The following MARCHF1 variants were observed in gnomAD, a reference collection of about 807,000 sequenced individuals.
MARCHF1 encodes the protein E3 ubiquitin-protein ligase MARCHF1.
In MARCHF1, 40 loss-of-function variants were observed where a neutral mutation model predicts 54.2. That is an observed-to-expected ratio of 0.74 (90% CI 0.57 to 0.96). The LOEUF is 0.96. Ranked by LOEUF, MARCHF1 falls within the 40% of genes least tolerant of loss-of-function variation. MARCHF1 has a pLI of 0.00. For synonymous variants in MARCHF1, 236 were observed against 236.3 expected (o/e 1.00, Z 0.01); for missense variants, 586 against 656.5 (o/e 0.89, Z 1.17).
intron 4 of MARCHF1, among the ~76,000 whole-genome samples, chr4:163,832,036 G>C (rs563747305): frequency 6.6e-6 from 1 of 152,172 alleles, no homozygotes; most frequent in Non-Finnish European, 1.5e-5. Flanking sequence ...ATTAGAACTA[G>C]TAAGACTTCA....
chr4:164,302,492 A>G (rs989140156), intron 1 of MARCHF1, among the ~76,000 whole-genome samples: 3 of 152,156 alleles, frequency 2.0e-5, no homozygotes, highest in Non-Finnish European at 4.4e-5. Context: ...CATGACTAAA[A>G]GGTTGAGAAA....
chr4:163,914,296 C>A (rs538025138), intron 3 of MARCHF1, among the ~76,000 whole-genome samples: 1 of 152,008 alleles, frequency 6.6e-6, no homozygotes, highest in African/African-American at 2.4e-5. Context: ...AAAGAGAATG[C>A]AAAAATTATT....
chr4:163,637,196 C>T (rs1247020867), intron 5 of MARCHF1, among the ~76,000 whole-genome samples: 2 of 152,236 alleles, frequency 1.3e-5, no homozygotes, highest in South Asian at 2.1e-4. Context: ...GCAAGGACTT[C>T]TTGTCTAAAA....
chr4:164,142,765 C>A (rs1476073316), intron 1 of MARCHF1, among the ~76,000 whole-genome samples: 1 of 152,198 alleles, frequency 6.6e-6, no homozygotes, highest in African/African-American at 2.4e-5. Context: ...AGGAGAGCAA[C>A]TCTCCTCCTC....
intron 1 of MARCHF1, 104 bp from the exon 2 acceptor site, chr4:164,111,766 G>C (rs746114651): frequency 6.6e-5 from 10 of 151,568 alleles, no homozygotes; most frequent in South Asian, 2.1e-4. Flanking sequence ...TAGAAATTTT[G>C]GGCCTATGTA....
chr4:164,369,676 T>C (rs946203144), intron 1 of MARCHF1, among the ~76,000 whole-genome samples: 2 of 152,178 alleles, frequency 1.3e-5, no homozygotes, highest in African/African-American at 2.4e-5. Flanking sequence ...TATAATGTAC[T>C]AACGTTCTAT....
intron 3 of MARCHF1, among the ~76,000 whole-genome samples, chr4:163,859,110 C>T (rs574073908): frequency 1.2e-4 from 18 of 152,236 alleles, no homozygotes; most frequent in African/African-American, 4.3e-4. Flanking sequence ...TCTGAATAAT[C>T]ATGACTTGTA....
intron 7 of MARCHF1, among the ~76,000 whole-genome samples, chr4:163,588,177 C>G (rs892058412): frequency 6.6e-6 from 1 of 152,152 alleles, no homozygotes; most frequent in Non-Finnish European, 1.5e-5. Context: ...ATTAATGTCC[C>G]CTTCCCCCTG....
At chr4:164,293,196 A>G (rs1282048092) in intron 1 of MARCHF1, among the ~76,000 whole-genome samples, 2 of 152,302 alleles carry the variant, frequency 1.3e-5, no homozygotes, top group Middle Eastern at 3.4e-3. Context: ...ATTTCTGCAT[A>G]GCAAACTGCA....
intron 3 of MARCHF1, among the ~76,000 whole-genome samples, chr4:163,921,213 T>C (rs1751422559): frequency 6.6e-6 from 1 of 152,150 alleles, no homozygotes; most frequent in African/African-American, 2.4e-5. Flanking sequence ...CACAGTGCTA[T>C]CAATTTGTTA....
chr4:164,145,238 G>C (rs146568933), intron 1 of MARCHF1, among the ~76,000 whole-genome samples: 1 of 151,952 alleles, frequency 6.6e-6, no homozygotes, highest in Admixed American at 6.5e-5. Flanking sequence ...AATTTTACCA[G>C]AGGTAAAAGG....
intron 1 of MARCHF1, among the ~76,000 whole-genome samples, chr4:164,250,204 GGTTAA>G (rs776062908): frequency 3.3e-5 from 5 of 152,192 alleles, no homozygotes; most frequent in East Asian, 1.9e-4. Flanking sequence ...TTATGTGCAT[GGTTAA>G]AGTCATTATG....
chr4:163,555,810 C>A, intron 8 of MARCHF1: 1 of 366,698 alleles, frequency 2.7e-6, no homozygotes, highest in South Asian at 1.9e-5. Flanking sequence ...GATGTTTTCC[C>A]TGGAAGCCCA....
intron 4 of MARCHF1, among the ~76,000 whole-genome samples, chr4:163,798,167 T>C (rs1747974143): frequency 6.6e-6 from 1 of 152,104 alleles, no homozygotes; most frequent in Non-Finnish European, 1.5e-5. Context: ...TGGAACCTGA[T>C]CCAATAGGAA....
intron 5 of MARCHF1, among the ~76,000 whole-genome samples, chr4:163,674,079 C>A (rs1029690447): frequency 3.9e-5 from 6 of 152,252 alleles, no homozygotes; most frequent in Non-Finnish European, 7.4e-5. Context: ...CTTTTAAGCT[C>A]CTCTCCTTCA....
intron 1 of MARCHF1, among the ~76,000 whole-genome samples, chr4:164,325,467 G>C (rs888246554): frequency 6.6e-6 from 1 of 151,792 alleles, no homozygotes; most frequent in Admixed American, 6.6e-5. Flanking sequence ...AAAGTATTAA[G>C]TTGGAACCCT....
At chr4:164,030,327 T>A (rs1428000263) in intron 2 of MARCHF1, among the ~76,000 whole-genome samples, 1 of 152,190 alleles carries the variant, frequency 6.6e-6, no homozygotes, top group Non-Finnish European at 1.5e-5. Context: ...ATTTCCATTG[T>A]CTTTTAACAT....
At chr4:164,210,923 G>A (rs1482681645) in intron 1 of MARCHF1, among the ~76,000 whole-genome samples, 1 of 152,036 alleles carries the variant, frequency 6.6e-6, no homozygotes, top group Admixed American at 6.6e-5. Flanking sequence ...TGAATCTGGA[G>A]GACATTATGC....
chr4:163,981,636 C>T (rs1003403786), intron 3 of MARCHF1, among the ~76,000 whole-genome samples: 6 of 152,160 alleles, frequency 3.9e-5, no homozygotes, highest in Non-Finnish European at 8.8e-5. Flanking sequence ...CTGTGATCCT[C>T]CCCCTTCAGC....
Sources: allele counts gnomAD v4.1 joint callset (sites outside exome capture counted in the v4.1 genomes callset), GRCh38; gene constraint gnomAD v4.1.1; transcripts MANE v1.5; gene names NCBI Gene and HGNC (gene_info 2026-07-23, HGNC 2026-07-21).